Variants in TRIO observed in about 807,000 individuals in gnomAD.
TRIO encodes trio Rho guanine nucleotide exchange factor.
TRIO carries 58 observed loss-of-function variants against 351.9 expected under a neutral mutation model. The observed-to-expected ratio is 0.16, with a 90% CI of 0.13 to 0.21. The LOEUF is 0.21. Ranked by LOEUF, TRIO falls within the 10% of genes least tolerant of loss-of-function variation. The pLI is 1.00. For synonymous variants in TRIO, 1,758 were observed against 1,595.7 expected (o/e 1.10, Z -2.42); for missense variants, 3,201 against 4,027.8 (o/e 0.79, Z 5.56).
At chr5:14,382,102 T>A (rs1254630736) in intron 21 of TRIO, among the ~76,000 whole-genome samples, 1 of 152,198 alleles carries the variant, frequency 6.6e-6, no homozygotes, top group African/African-American at 2.4e-5. Context: ...AGATTTCGAG[T>A]TTTTGGAAAA....
intron 11 of TRIO, among the ~76,000 whole-genome samples, chr5:14,338,028 C>T (rs114519524): frequency 1.9e-3 from 289 of 152,276 alleles, no homozygotes; most frequent in African/African-American, 6.7e-3. Flanking sequence ...ACAAAAGAGG[C>T]TATTTTTTTG....
At chr5:14,500,479 T>C (rs6887680) in intron 53 of TRIO, among the ~76,000 whole-genome samples, 49,177 of 152,060 alleles carry the variant, frequency 0.32, 8,775 homozygotes, top group African/African-American at 0.47. Flanking sequence ...AGGGGAGTCC[T>C]GAGGCTGGAG....
chr5:14,308,719 GTCCATCCATCCATCCA>G (rs56135752), intron 8 of TRIO, among the ~76,000 whole-genome samples: 5 of 125,092 alleles, frequency 4.0e-5, no homozygotes, highest in East Asian at 2.4e-4. Context: ...CCATTCATTT[GTCCATCCATCCATCCA>G]TCCATCCATC....
At chr5:14,351,256 C>T (rs904524784) in intron 11 of TRIO, among the ~76,000 whole-genome samples, 2 of 152,198 alleles carry the variant, frequency 1.3e-5, no homozygotes, top group Non-Finnish European at 2.9e-5. Flanking sequence ...CAGTACAGTT[C>T]GTCATTTCAG....
chr5:14,231,382 T>C (rs1793417601), intron 1 of TRIO, among the ~76,000 whole-genome samples: 1 of 152,254 alleles, frequency 6.6e-6, no homozygotes. Context: ...CTCACTTTTA[T>C]GGATTTCACA....
intron 3 of TRIO, among the ~76,000 whole-genome samples, chr5:14,282,639 A>G (rs1311158830): frequency 6.6e-6 from 1 of 152,190 alleles, no homozygotes; most frequent in Non-Finnish European, 1.5e-5. Flanking sequence ...ATGAACACAC[A>G]TATACCCTTC....
rs761657839 is a variant in TRIO, at chr5:14,488,053, C to A, written c.7425C>A (p.Pro2475=). The change falls in exon 48 of 57, where the codon CCC becomes CCA. Residue 2475 remains proline (P), a synonymous_variant. Coordinates refer to ENST00000344204, the MANE Select transcript of TRIO (RefSeq NM_007118.4). ...VPSLGKEPFP[P]SSPLQKGGSF... Reference sequence around the variant, plus strand: ...CTCTCGGCAAGGAGCCCTTCCCCCCCAGCAGCCCCCTGCAGAAGGGGGGCT... The same window carrying A: ...CTCTCGGCAAGGAGCCCTTCCCCCCAAGCAGCCCCCTGCAGAAGGGGGGCT... The A allele has an allele frequency of 5.0e-6, 8 of 1,609,408 alleles. No homozygotes were observed. Among genetic ancestry groups the A allele is most frequent in the Admixed American group, 1.7e-5 (1 of 59,860 alleles).
intron 1 of TRIO, among the ~76,000 whole-genome samples, chr5:14,199,701 A>G (rs1037974765): frequency 1.3e-5 from 2 of 151,920 alleles, no homozygotes; most frequent in Non-Finnish European, 2.9e-5. Context: ...TTTATCCTAA[A>G]GTAGGGGATT....
Position 14,462,981 on chromosome 5 carries a change from C to T in TRIO, c.5667+56C>T, listed in dbSNP as rs1753947065. On this transcript the variant is annotated intron_variant, in intron 36 of 56. Transcript: ENST00000344204. ...GCCTGCCGTGCAGGGGCAGGGCACG[C>T]TCGGTAGCTGCTTCACACCAGCCTC... 3.4e-6 allele frequency: 5 copies of T among 1,492,158 alleles called. No homozygotes were observed. In the South Asian group the frequency reaches 6.8e-5, roughly 20 times the overall value. The allele number at this position is 1,492,158 out of a possible 1,614,324, so 92.4% of individuals were successfully genotyped here. A position where few individuals can be genotyped will look rare whatever the true frequency, so the allele number is the denominator to read the frequency against.
chr5:14,363,743 C>T lies in TRIO; in HGVS notation c.2403C>T (p.Asp801=). ...FERDAIDIIS[D]LESWNDELSQ... ...ATACCTTCTTTCAGATTATCTCAGA[C>T]CTCGAGTCTTGGAATGATGAGCTTT... The change falls in exon 14 of 57, where the codon GAC becomes GAT. Residue 801 remains aspartate (D), a synonymous_variant. Transcript: ENST00000344204. 1 of 1,613,628 alleles carries T rather than the reference C, an allele frequency of 6.2e-7. No homozygotes were observed. The highest frequency in any genetic ancestry group is 8.5e-7 in the Non-Finnish European group (1 of 1,179,674).
At chr5:14,440,377 C>A (rs979627009) in intron 34 of TRIO, among the ~76,000 whole-genome samples, 1 of 152,210 alleles carries the variant, frequency 6.6e-6, no homozygotes, top group African/African-American at 2.4e-5. Context: ...AGCTGGAAGT[C>A]AGACCCGACA....
At chr5:14,183,909 A>G (rs1473651821) in intron 1 of TRIO, 1 of 696,028 alleles carries the variant, frequency 1.4e-6, no homozygotes, top group East Asian at 2.7e-5. Flanking sequence ...TTTTCGTGGT[A>G]ACCGTTTTTT....
rs1025218568 is a variant in TRIO at position 14,336,473 on chromosome 5, G to A, written c.1855-63G>A. 73 of 1,556,408 alleles carry A rather than the reference G, an allele frequency of 4.7e-5. 1 individual carries two copies. Among genetic ancestry groups the A allele is most frequent in the Admixed American group, 2.4e-4 (14 of 57,928 alleles). ...TGACTGTGTTGCTATATATTATGGCGCCCAGCCTGGCTGGTCTGCTTTTCA... is the reference window on the plus strand; with the variant it reads ...TGACTGTGTTGCTATATATTATGGCACCCAGCCTGGCTGGTCTGCTTTTCA... On this transcript the variant is annotated intron_variant, in intron 10 of 56. Coordinates refer to ENST00000344204, the MANE Select transcript of TRIO (RefSeq NM_007118.4).
chr5:14,320,488 G>T (rs1385000563), intron 9 of TRIO, among the ~76,000 whole-genome samples: 1 of 152,144 alleles, frequency 6.6e-6, no homozygotes. Flanking sequence ...GATGCCTTCT[G>T]CAAAGCCCCC....
chr5:14,464,686 G>A (rs1389089535), intron 36 of TRIO, among the ~76,000 whole-genome samples: 1 of 152,132 alleles, frequency 6.6e-6, no homozygotes, highest in African/African-American at 2.4e-5. Context: ...GAGTGTATGA[G>A]CCTGTATCTG....
chr5:14,302,196 A>T lies in TRIO; in HGVS notation c.1369-2265A>T, dbSNP rs542578079. ...ATACTTTAATGATTTTGATATAGTG[A>T]TATGTTAATCTGATGCTTCTGTTCA... On this transcript the variant is annotated intron_variant, in intron 7 of 56. Coordinates refer to ENST00000344204, the MANE Select transcript of TRIO (RefSeq NM_007118.4). 2.6e-5 allele frequency among the ~76,000 whole-genome samples: 4 copies of T among 152,282 alleles called. No homozygotes were observed. In the East Asian group the frequency reaches 7.7e-4, roughly 29 times the overall value.
chr5:14,390,273 G>A lies in TRIO; in HGVS notation c.4101G>A (p.Glu1367=), dbSNP rs1358786982. ...TGGAAAAATATGAACAGTTGCCAGAGGATGTTGGACATTGTTTTGTTACTT... is the reference window on the plus strand; with the variant it reads ...TGGAAAAATATGAACAGTTGCCAGAAGATGTTGGACATTGTTTTGTTACTT... ...KELEKYEQLP[E]DVGHCFVTWA... is the part of the protein sequence containing the mutation. The change falls in exon 26 of 57, where the codon GAG becomes GAA. Residue 1367 remains glutamate, a synonymous_variant. Transcript: ENST00000344204. 5 of 1,613,974 alleles carry A rather than the reference G, an allele frequency of 3.1e-6. No individual in the cohort carries two copies. In the African/African-American group the frequency reaches 4.0e-5, roughly 13 times the overall value.
chr5:14,233,346 C>G lies in TRIO; in HGVS notation c.158-37479C>G, dbSNP rs535307812. The stretch of plus-strand genomic sequence containing the variant: ...AAAAAAAAAAAAAAAAAAAATTAGC[C>G]CGGTGTGGTGGTGTGTGTCTGTAGT... On this transcript the variant is annotated intron_variant, in intron 1 of 56. Coordinates refer to ENST00000344204, the MANE Select transcript of TRIO (RefSeq NM_007118.4). Among the ~76,000 whole-genome samples the G allele has an allele frequency of 3.9e-4, 56 of 142,440 alleles. 1 individual carries two copies. In the South Asian group the frequency reaches 9.6e-3, roughly 24 times the overall value. The allele number at this position is 142,440 out of a possible 152,430, so 93.4% of individuals were successfully genotyped here.
At chr5:14,335,812 A>C (rs1225871824) in intron 10 of TRIO, among the ~76,000 whole-genome samples, 1 of 152,082 alleles carries the variant, frequency 6.6e-6, no homozygotes, top group Non-Finnish European at 1.5e-5. Flanking sequence ...TAAAAATACA[A>C]CATTTAGCTG....
Sources: gnomAD v4.1 joint callset for allele counts (sites outside exome capture counted in the v4.1 genomes callset) on GRCh38, gnomAD v4.1.1 for gene constraint, MANE v1.5 for transcripts, NCBI Gene and HGNC (gene_info 2026-07-23, HGNC 2026-07-21) for gene names.